SLCO5A1: variants seen among roughly 807,000 people sequenced by gnomAD.
The protein encoded by SLCO5A1 is solute carrier organic anion transporter family member 5A1, also known as organic anion transporter polypeptide-related protein 4.
In SLCO5A1, 39 loss-of-function variants were observed where a neutral mutation model predicts 65.1. That is an observed-to-expected ratio of 0.60 (90% confidence interval 0.46 to 0.78). The LOEUF is 0.78. SLCO5A1 is among the 30% of genes least tolerant of loss of function. The probability of loss-of-function intolerance (pLI) is 0.00; values close to 1 mark genes in which losing one functional copy is unlikely to be tolerated. For missense variants in SLCO5A1, 1,029 were observed against 1,069.4 expected (o/e 0.96, Z 0.53); for synonymous variants, 438 against 415.7 (o/e 1.05, Z -0.65).
intron 5 of SLCO5A1, among the ~76,000 whole-genome samples, chr8:69,720,145 T>A (rs888382067): frequency 3.3e-5 from 5 of 152,240 alleles, no homozygotes; most frequent in African/African-American, 7.2e-5. Context: ...AATAACAAAA[T>A]CACATATTTT....
At chr8:69,782,229 TAATAAATA>T (rs201935282) in intron 2 of SLCO5A1, among the ~76,000 whole-genome samples, 3 of 151,718 alleles carry the variant, frequency 2.0e-5, no homozygotes, top group Non-Finnish European at 2.9e-5. Context: ...ACTTAAAGTA[TAATAAATA>T]AATAAATAAA....
intron 2 of SLCO5A1, among the ~76,000 whole-genome samples, chr8:69,774,156 A>G (rs1476548429): frequency 1.3e-5 from 2 of 152,234 alleles, no homozygotes; most frequent in Non-Finnish European, 2.9e-5. Flanking sequence ...GGATGAAGAC[A>G]TGGACTTTGA....
chr8:69,755,536 T>C lies in SLCO5A1; in HGVS notation c.1146A>G (p.Lys382=), dbSNP rs748639016. The change falls in exon 4 of 10, where the codon AAA becomes AAG. Residue 382 remains lysine (K), a synonymous_variant. Transcript: ENST00000260126. The stretch of plus-strand genomic sequence containing the variant: ...CACTAACAGCATCAACAGAAAATTT[T>C]TTCTTTTTCTTTTTCTTGTGTCGAG... ...LPPRHKKKKK[K]KFSVDAVSDD... The C allele has an allele frequency of 1.2e-6, 2 of 1,614,020 alleles. No homozygotes were observed. The highest frequency in any genetic ancestry group is 1.7e-6 in the Non-Finnish European group (2 of 1,179,938).
At chr8:69,734,558 T>C (rs1302289367) in intron 5 of SLCO5A1, among the ~76,000 whole-genome samples, 1 of 152,160 alleles carries the variant, frequency 6.6e-6, no homozygotes, top group Non-Finnish European at 1.5e-5. Flanking sequence ...CTGGTGTGAG[T>C]CTTTAGATTT....
chr8:69,707,475 A>G (rs575472061), intron 5 of SLCO5A1, among the ~76,000 whole-genome samples: 12 of 152,324 alleles, frequency 7.9e-5, no homozygotes, highest in African/African-American at 2.9e-4. Flanking sequence ...CAAAATATTG[A>G]TTATGGAAAG....
At chr8:69,789,078 T>TTG (rs958328781) in intron 2 of SLCO5A1, among the ~76,000 whole-genome samples, 1 of 152,192 alleles carries the variant, frequency 6.6e-6, no homozygotes. Flanking sequence ...TGTTTCAGTA[T>TTG]TGTGTGTGTG....
intron 5 of SLCO5A1, among the ~76,000 whole-genome samples, chr8:69,724,575 G>A (rs1181906538): frequency 1.3e-5 from 2 of 152,168 alleles, no homozygotes; most frequent in African/African-American, 4.8e-5. Flanking sequence ...AGGAAGCTGA[G>A]CCTGGCAGCA....
At chr8:69,775,781 C>T (rs547906792) in intron 2 of SLCO5A1, among the ~76,000 whole-genome samples, 100 of 152,116 alleles carry the variant, frequency 6.6e-4, no homozygotes, top group African/African-American at 2.2e-3. Flanking sequence ...TGGGAGGCCA[C>T]GGCGGGAAGA....
intron 9 of SLCO5A1, among the ~76,000 whole-genome samples, chr8:69,675,788 T>G (rs1813522982): frequency 6.6e-6 from 1 of 152,202 alleles, no homozygotes; most frequent in African/African-American, 2.4e-5. Context: ...TTTTTTGTCT[T>G]GTAGACAATG....
intron 2 of SLCO5A1, among the ~76,000 whole-genome samples, chr8:69,815,647 A>AATACACAC (rs1820370224): frequency 7.1e-6 from 1 of 141,190 alleles, no homozygotes; most frequent in Non-Finnish European, 1.5e-5. Context: ...GTAAAATATC[A>AATACACAC]ACACACACAC....
Position 69,745,172 on chromosome 8 carries a change from T to C in SLCO5A1, c.1259-6968A>G, listed in dbSNP as rs528430483. 2.1e-4 allele frequency among the ~76,000 whole-genome samples: 32 copies of C among 152,318 alleles called. 1 individual carries two copies. The Middle Eastern group carries it at 0.01, about 49-fold the overall frequency. On this transcript the variant is annotated intron_variant, in intron 4 of 9. Coordinates refer to ENST00000260126, the MANE Select transcript of SLCO5A1 (RefSeq NM_030958.3). ...CTGACATTTTCTTCAAGATTCAAAA[T>C]CATAATTAGGAATACTAATTTCTGT...
intron 5 of SLCO5A1, among the ~76,000 whole-genome samples, chr8:69,724,981 A>G (rs889166858): frequency 8.5e-5 from 13 of 152,142 alleles, no homozygotes; most frequent in Admixed American, 7.9e-4. Flanking sequence ...CCTGTCATTT[A>G]TATGGAGGAT....
intron 4 of SLCO5A1, among the ~76,000 whole-genome samples, chr8:69,740,658 A>G (rs1384449509): frequency 6.6e-6 from 1 of 152,208 alleles, no homozygotes; most frequent in African/African-American, 2.4e-5. Context: ...AAAAGGAACA[A>G]GAGTTCCCTG....
At chr8:69,699,973 T>C (rs893485868) in intron 6 of SLCO5A1, among the ~76,000 whole-genome samples, 11 of 152,074 alleles carry the variant, frequency 7.2e-5, no homozygotes, top group Non-Finnish European at 1.6e-4. Context: ...TATCCCAGTG[T>C]AGTGGTGGAC....
intron 6 of SLCO5A1, among the ~76,000 whole-genome samples, chr8:69,698,470 C>T (rs574351900): frequency 6.6e-6 from 1 of 152,194 alleles, no homozygotes; most frequent in Non-Finnish European, 1.5e-5. Context: ...TACACTCCCA[C>T]CAGCAGTGTA....
chr8:69,683,773 G>C lies in SLCO5A1; in HGVS notation c.1623-1430C>G, dbSNP rs192626020. Among the ~76,000 whole-genome samples the C allele has an allele frequency of 3.7e-3, 556 of 152,224 alleles. 4 individuals carry two copies. The highest frequency in any genetic ancestry group is 0.013 in the African/African-American group (529 of 41,548). ...AGATGGGGTTTCACCATGTTGGCCA[G>C]GCTGGTCTCGAACTCCTAACCTCGT... On this transcript the variant is annotated intron_variant, in intron 6 of 9. Coordinates refer to ENST00000260126, the MANE Select transcript of SLCO5A1 (RefSeq NM_030958.3).
intron 6 of SLCO5A1, among the ~76,000 whole-genome samples, chr8:69,682,845 A>T (rs2130790153): frequency 6.6e-6 from 1 of 152,374 alleles, no homozygotes; most frequent in East Asian, 1.9e-4. Context: ...CTTGTATTCT[A>T]GAATAAATTA....
At position 69,736,666 on chromosome 8, in the gene SLCO5A1, G is replaced by A. The variant is rs144538004; in HGVS notation, c.1423+1374C>T. Among the ~76,000 whole-genome samples the A allele has an allele frequency of 2.4e-4, 37 of 152,220 alleles. No homozygotes were observed. The East Asian group carries it at 5.6e-3, about 23-fold the overall frequency. ...TTCTGGGAGTTTCACGATGCATATCGGCATATTAAAGGAAATGAAAGGGCC... is the reference window on the plus strand; with the variant it reads ...TTCTGGGAGTTTCACGATGCATATCAGCATATTAAAGGAAATGAAAGGGCC... On this transcript the variant is annotated intron_variant, in intron 5 of 9. Transcript: ENST00000260126.
At chr8:69,745,685 T>C (rs1234489262) in intron 4 of SLCO5A1, among the ~76,000 whole-genome samples, 1 of 152,194 alleles carries the variant, frequency 6.6e-6, no homozygotes, top group Non-Finnish European at 1.5e-5. Flanking sequence ...TTTCCTAATG[T>C]TTAAATTCCA....
Sources: allele counts gnomAD v4.1 joint callset (sites outside exome capture counted in the v4.1 genomes callset), GRCh38; gene constraint gnomAD v4.1.1; transcripts MANE v1.5; gene names NCBI Gene and HGNC (gene_info 2026-07-23, HGNC 2026-07-21).